The following TNFRSF11A variants were observed in gnomAD, a reference collection of about 807,000 sequenced individuals.
TNFRSF11A encodes TNF receptor superfamily member 11a.
A neutral mutation model predicts 55.7 loss-of-function variants in TNFRSF11A; 32 were observed. The ratio of observed to expected loss-of-function variants is 0.57; its 90% CI spans 0.43 to 0.77. The LOEUF is 0.77. TNFRSF11A is among the 30% of genes least tolerant of loss of function. The pLI is 0.00. For synonymous variants in TNFRSF11A, 311 were observed against 331.0 expected (o/e 0.94, Z 0.65); for missense variants, 753 against 809.8 (o/e 0.93, Z 0.85).
intron 3 of TNFRSF11A, among the ~76,000 whole-genome samples, chr18:62,351,002 C>CTTTTTTTT (rs71160826): frequency 2.4e-5 from 3 of 122,678 alleles, no homozygotes; most frequent in Non-Finnish European, 3.4e-5. Context: ...TTTTTTCTTT[C>CTTTTTTTT]TTTTTTTTTT....
intron 1 of TNFRSF11A, among the ~76,000 whole-genome samples, chr18:62,342,995 T>C (rs2046335057): frequency 6.6e-6 from 1 of 152,246 alleles, no homozygotes; most frequent in Non-Finnish European, 1.5e-5. Context: ...CACAGGTTGC[T>C]AGTAATTTAT....
intron 1 of TNFRSF11A, among the ~76,000 whole-genome samples, chr18:62,336,041 CCA>C (rs926494099): frequency 5.5e-4 from 83 of 152,214 alleles, no homozygotes; most frequent in African/African-American, 2.0e-3. Flanking sequence ...TTCACTAGGG[CCA>C]ATTCTTCCTA....
chr18:62,355,960 C>G (rs1471627035), intron 4 of TNFRSF11A, among the ~76,000 whole-genome samples: 1 of 152,224 alleles, frequency 6.6e-6, no homozygotes, highest in Non-Finnish European at 1.5e-5. Context: ...TGTGGCCAAG[C>G]TCACCTACTG....
chr18:62,331,354 A>G (rs1162765359), intron 1 of TNFRSF11A, among the ~76,000 whole-genome samples: 1 of 152,224 alleles, frequency 6.6e-6, no homozygotes, highest in African/African-American at 2.4e-5. Flanking sequence ...TTCTGGTTCA[A>G]GTGAAGAAGT....
chr18:62,349,836 C>T lies in TNFRSF11A; in HGVS notation c.182C>T (p.Thr61Ile), dbSNP rs1210789684. 1.9e-6 allele frequency: 3 copies of T among 1,614,116 alleles called. No homozygotes were observed. Among genetic ancestry groups the T allele is most frequent in the Non-Finnish European group, 2.5e-6 (3 of 1,179,986 alleles). ...EPGKYMSSKC[T>I]TTSDSVCLPC... ...GGAAAGTACATGTCTTCTAAATGCA[C>T]TACTACCTCTGACAGTGTATGTCTG... The change falls in exon 3 of 10, where the codon ACT (threonine) becomes ATT (isoleucine). Residue 61 changes from threonine to isoleucine, a missense_variant. Physicochemically the swap from Thr to Ile is moderately conservative, Grantham distance 89. This residue lies in a region of TNFRSF11A where 156 missense variants were observed against 155.1 expected (regional missense o/e 1.01). Coordinates refer to ENST00000586569, the MANE Select transcript of TNFRSF11A (RefSeq NM_003839.4).
chr18:62,333,651 C>G (rs2046188462), intron 1 of TNFRSF11A, among the ~76,000 whole-genome samples: 1 of 152,162 alleles, frequency 6.6e-6, no homozygotes, highest in African/African-American at 2.4e-5. Flanking sequence ...GAGCTCCTAC[C>G]AGGCAGCGCT....
rs1909093896 is a variant in TNFRSF11A, at chr18:62,354,461, C to T, written c.354C>T (p.Tyr118=). 1.2e-6 allele frequency: 2 copies of T among 1,601,106 alleles called. No homozygotes were observed. Among genetic ancestry groups the T allele is most frequent in the Admixed American group, 1.7e-5 (1 of 59,920 alleles). Reference sequence around the variant, plus strand: ...GGCGCTGCGCGTGCACGGCTGGGTACCACTGGAGCCAGGACTGCGAGTGCT... The same window carrying T: ...GGCGCTGCGCGTGCACGGCTGGGTATCACTGGAGCCAGGACTGCGAGTGCT... ...TPRRCACTAG[Y]HWSQDCECCR... The change falls in exon 4 of 10, where the codon TAC becomes TAT. Residue 118 remains tyrosine (Y), a synonymous_variant. Transcript: ENST00000586569.
intron 9 of TNFRSF11A, among the ~76,000 whole-genome samples, chr18:62,371,150 A>T (rs908108109): frequency 2.6e-5 from 4 of 151,940 alleles, no homozygotes; most frequent in African/African-American, 9.7e-5. Context: ...CTTTTCTCTC[A>T]GTTTATTGTC....
intron 1 of TNFRSF11A, among the ~76,000 whole-genome samples, chr18:62,344,990 A>T (rs1236309444): frequency 6.6e-6 from 1 of 152,260 alleles, no homozygotes; most frequent in Non-Finnish European, 1.5e-5. Context: ...GGAGAGAGCC[A>T]GTCTGGCCTG....
chr18:62,367,789 T>G (rs4616375), intron 8 of TNFRSF11A, among the ~76,000 whole-genome samples: 3 of 22,926 alleles, frequency 1.3e-4, no homozygotes, highest in African/African-American at 4.1e-4. Context: ...CTTCTTCTTC[T>G]TTTTTTTTTT....
intron 9 of TNFRSF11A, among the ~76,000 whole-genome samples, chr18:62,370,250 A>C (rs1003026141): frequency 1.3e-5 from 2 of 152,206 alleles, no homozygotes; most frequent in Middle Eastern, 3.2e-3. Flanking sequence ...TTTGCAGCTG[A>C]TAGTGAGGGC....
At chr18:62,376,183 C>T (rs1197705789) in intron 9 of TNFRSF11A, among the ~76,000 whole-genome samples, 1 of 152,160 alleles carries the variant, frequency 6.6e-6, no homozygotes, top group East Asian at 1.9e-4. Context: ...ATGGTGAGAC[C>T]CCTCTCTTCT....
chr18:62,333,244 T>C (rs4941129), intron 1 of TNFRSF11A, among the ~76,000 whole-genome samples: 58,329 of 151,984 alleles, frequency 0.38, 12,333 homozygotes, highest in African/African-American at 0.55. Context: ...GTTCTCCAAC[T>C]GTGGGGTCTG....
chr18:62,351,900 G>A (rs1425299945), intron 3 of TNFRSF11A, among the ~76,000 whole-genome samples: 3 of 152,098 alleles, frequency 2.0e-5, no homozygotes, highest in Non-Finnish European at 1.5e-5. Flanking sequence ...GGGTTCAAAC[G>A]ATTCTCCTGC....
intron 6 of TNFRSF11A, among the ~76,000 whole-genome samples, chr18:62,360,921 G>C (rs1195116403): frequency 1.3e-5 from 2 of 152,118 alleles, no homozygotes; most frequent in African/African-American, 4.8e-5. Flanking sequence ...AGAATAACCG[G>C]GTTAACAAGC....
At chr18:62,345,537 G>A (rs1327793495) in intron 1 of TNFRSF11A, among the ~76,000 whole-genome samples, 3 of 152,162 alleles carry the variant, frequency 2.0e-5, no homozygotes, top group Non-Finnish European at 4.4e-5. Flanking sequence ...TTTCCCAGCA[G>A]CAAAATTTCT....
At chr18:62,338,500 G>A (rs1464931030) in intron 1 of TNFRSF11A, among the ~76,000 whole-genome samples, 3 of 152,330 alleles carry the variant, frequency 2.0e-5, no homozygotes, top group East Asian at 3.9e-4. Flanking sequence ...AAGGAATGGC[G>A]TTCTGGTACA....
Position 62,385,133 on chromosome 18 carries a change from T to C in TNFRSF11A, c.*99T>C. 2.3e-6 allele frequency: 3 copies of C among 1,310,268 alleles called. No individual in the cohort carries two copies. Among genetic ancestry groups the C allele is most frequent in the Non-Finnish European group, 2.9e-6 (3 of 1,019,016 alleles). 81.2% of individuals were successfully genotyped at this position (1,310,268 alleles called of 1,614,324 possible). A position where few individuals can be genotyped will look rare whatever the true frequency, so the allele number is the denominator to read the frequency against. ...CCCCGGCCACCCAGGGATCGATCGG[T>C]ACAGTCGAGGAAGACCACCCGGCAT... On this transcript the variant is annotated 3_prime_UTR_variant, in exon 10 of 10. Coordinates refer to ENST00000586569, the MANE Select transcript of TNFRSF11A (RefSeq NM_003839.4).
At chr18:62,358,046 G>A (rs1316266270) in intron 4 of TNFRSF11A, 2 of 590,016 alleles carry the variant, frequency 3.4e-6, no homozygotes, top group African/African-American at 1.9e-5. Context: ...TCACTGCTGG[G>A]GTCAGAACTG....
Sources: gnomAD v4.1 joint callset for allele counts (sites outside exome capture counted in the v4.1 genomes callset) on GRCh38, gnomAD v4.1.1 for gene constraint, gnomAD v4.1.1 regional missense constraint, MANE v1.5 for transcripts, NCBI Gene and HGNC (gene_info 2026-07-23, HGNC 2026-07-21) for gene names.